The following ALKBH1 variants were observed in gnomAD, a reference collection of about 807,000 sequenced individuals.
ALKBH1 encodes alkB homolog 1, histone H2A dioxygenase.
Under a neutral mutation model 36.6 loss-of-function variants are expected in ALKBH1, and 31 were observed. That is an observed-to-expected ratio of 0.85 (90% CI 0.64 to 1.14). The LOEUF (loss-of-function observed/expected upper bound fraction) is 1.14, where lower values mean the gene tolerates loss of function less well. Among genes scored for constraint, ALKBH1 ranks in the 50% most tolerant of loss-of-function variants. The probability of loss-of-function intolerance (pLI) is 0.00; values close to 1 mark genes in which losing one functional copy is unlikely to be tolerated. For missense variants in ALKBH1, 490 were observed against 497.3 expected, an observed-to-expected ratio of 0.99 and a Z score of 0.14; for synonymous variants, 183 against 186.6, an observed-to-expected ratio of 0.98 and a Z score of 0.16.
intron 3 of ALKBH1, among the ~76,000 whole-genome samples, chr14:77,681,767 G>A (rs2080239411): frequency 6.6e-6 from 1 of 152,210 alleles, no homozygotes; most frequent in Non-Finnish European, 1.5e-5. Flanking sequence ...GCTTCTGGGA[G>A]TCTGTGATTT....
In ALKBH1 at chr14:77,677,423, T is replaced by C. The variant is rs1232693205; in HGVS notation, c.547-1574A>G. 1.3e-5 allele frequency among the ~76,000 whole-genome samples: 2 copies of C among 152,212 alleles called. 1 individual carries two copies. The highest frequency in any genetic ancestry group is 3.8e-4 in the East Asian group (2 of 5,204). On this transcript the variant is annotated intron_variant, in intron 4 of 5. Coordinates refer to ENST00000216489, the MANE Select transcript of ALKBH1 (RefSeq NM_006020.3). ...TAAGACTTTCACTTACAGGTTCCTA[T>C]ATGGATGAATCTGAGGGCTATTTGG... is the stretch of plus-strand genomic sequence containing the variant.
intron 3 of ALKBH1, among the ~76,000 whole-genome samples, chr14:77,692,819 T>A (rs1319739058): frequency 6.6e-6 from 1 of 151,762 alleles, no homozygotes. Flanking sequence ...TATTTATTTA[T>A]TTAATTTATT....
At chr14:77,690,887 C>T (rs570636469) in intron 3 of ALKBH1, among the ~76,000 whole-genome samples, 9 of 152,216 alleles carry the variant, frequency 5.9e-5, no homozygotes, top group East Asian at 3.9e-4. Context: ...CCGCAACCTC[C>T]GCCTCCCGGG....
In ALKBH1 at chr14:77,679,843, T is replaced by C. The variant is rs753466810; in HGVS notation, c.546+37A>G. 2.6e-6 allele frequency: 4 copies of C among 1,521,980 alleles called. No homozygotes were observed. In the South Asian group the frequency reaches 4.5e-5, roughly 17 times the overall value. The allele number at this position is 1,521,980 out of a possible 1,614,324, so 94.3% of individuals were successfully genotyped here. On this transcript the variant is annotated intron_variant, in intron 4 of 5. Coordinates refer to ENST00000216489, the MANE Select transcript of ALKBH1 (RefSeq NM_006020.3). ...CAACTATGTGGGCTAAAGAAGCCTATAAACAGAAAACAAAAGAATTAAGAA... is the reference window on the plus strand; with the variant it reads ...CAACTATGTGGGCTAAAGAAGCCTACAAACAGAAAACAAAAGAATTAAGAA...
intron 3 of ALKBH1, among the ~76,000 whole-genome samples, chr14:77,688,366 C>G (rs2080279647): frequency 6.6e-6 from 1 of 151,648 alleles, no homozygotes; most frequent in African/African-American, 2.4e-5. Context: ...AGGGATTCTT[C>G]TGCCTCAGCC....
rs148455758 is a variant in ALKBH1, at chr14:77,696,844, T to C, written c.293-1944A>G. On this transcript the variant is annotated intron_variant, in intron 2 of 5. Coordinates refer to ENST00000216489, the MANE Select transcript of ALKBH1 (RefSeq NM_006020.3). ...AGGTCCAAATGGAAGTAGATGCAGATAGAAATGGTACTAAGATATTCAGGT... is the reference window on the plus strand; with the variant it reads ...AGGTCCAAATGGAAGTAGATGCAGACAGAAATGGTACTAAGATATTCAGGT... 4.2e-3 allele frequency: 645 copies of C among 152,772 alleles called. 1 individual carries two copies. Among genetic ancestry groups the C allele is most frequent in the Non-Finnish European group, 6.4e-3 (440 of 68,348 alleles). The allele number at this position is 152,772 out of a possible 1,614,324, so 9.5% of individuals were successfully genotyped here. A position where few individuals can be genotyped will look rare whatever the true frequency, so the allele number is the denominator to read the frequency against.
At chr14:77,701,456 G>C (rs1406981068) in intron 2 of ALKBH1, among the ~76,000 whole-genome samples, 3 of 152,146 alleles carry the variant, frequency 2.0e-5, no homozygotes, top group Non-Finnish European at 2.9e-5. Context: ...CCACTGGTGT[G>C]CACTGCTTCC....
rs535257650 is a variant in ALKBH1, at chr14:77,684,797, G to A, written c.456-4827C>T. Among the ~76,000 whole-genome samples, 9 of 152,100 alleles carry A rather than the reference G, an allele frequency of 5.9e-5. No individual in the cohort carries two copies. The South Asian group carries it at 1.0e-3, about 18-fold the overall frequency. On this transcript the variant is annotated intron_variant, in intron 3 of 5. Coordinates refer to ENST00000216489, the MANE Select transcript of ALKBH1 (RefSeq NM_006020.3). ...TTCTAGCTTCAATCAATCCTTCTGCGTTGGCCTCCCAAAGTATCGGTACTA... is the reference window on the plus strand; with the variant it reads ...TTCTAGCTTCAATCAATCCTTCTGCATTGGCCTCCCAAAGTATCGGTACTA...
intron 2 of ALKBH1, among the ~76,000 whole-genome samples, chr14:77,696,321 TG>T (rs2080326752): frequency 6.6e-6 from 1 of 152,104 alleles, no homozygotes; most frequent in Non-Finnish European, 1.5e-5. Context: ...CCCAAGTAGC[TG>T]TGATTACAGG....
At position 77,693,377 on chromosome 14, in the gene ALKBH1, G is replaced by A. The variant is rs572743666; in HGVS notation, c.455+1361C>T. Among the ~76,000 whole-genome samples the A allele has an allele frequency of 2.6e-5, 4 of 152,188 alleles. No homozygotes were observed. In the East Asian group the frequency reaches 5.8e-4, roughly 22 times the overall value. ...AATTGTATCTAATTATCTGTTTGTA[G>A]GTTTTTGAACATAACTAAAGTACAA... On this transcript the variant is annotated intron_variant, in intron 3 of 5. Transcript: ENST00000216489.
At chr14:77,694,066 C>T (rs1257127429) in intron 3 of ALKBH1, among the ~76,000 whole-genome samples, 37 of 152,196 alleles carry the variant, frequency 2.4e-4, no homozygotes, top group Admixed American at 2.4e-3. Flanking sequence ...TTATTTCCTC[C>T]TCTATGCTCC....
intron 3 of ALKBH1, among the ~76,000 whole-genome samples, chr14:77,693,913 G>A (rs556975339): frequency 1.3e-5 from 2 of 152,276 alleles, no homozygotes; most frequent in South Asian, 4.1e-4. Context: ...TTTTAATCCA[G>A]GAGGCAGAGG....
chr14:77,695,388 T>G (rs1212386158), intron 2 of ALKBH1, among the ~76,000 whole-genome samples: 1 of 152,214 alleles, frequency 6.6e-6, no homozygotes, highest in East Asian at 1.9e-4. Context: ...CTTCATAATA[T>G]GGGGCTGAGA....
chr14:77,703,273 T>G (rs2080369478), intron 2 of ALKBH1, among the ~76,000 whole-genome samples: 1 of 151,332 alleles, frequency 6.6e-6, no homozygotes, highest in Admixed American at 6.6e-5. Context: ...GTGAGACACC[T>G]CGCCTGGTCC....
intron 4 of ALKBH1, among the ~76,000 whole-genome samples, chr14:77,679,612 G>A (rs1168340512): frequency 6.6e-6 from 1 of 151,968 alleles, no homozygotes; most frequent in African/African-American, 2.4e-5. Context: ...TGTATTTTTT[G>A]TAAAGACAGG....
intron 2 of ALKBH1, among the ~76,000 whole-genome samples, chr14:77,699,408 T>G (rs534628117): frequency 2.6e-5 from 4 of 152,346 alleles, no homozygotes; most frequent in Admixed American, 2.6e-4. Flanking sequence ...TAACAGCAAT[T>G]AACAATAAGT....
chr14:77,688,330 C>T (rs1341293454), intron 3 of ALKBH1, among the ~76,000 whole-genome samples: 1 of 151,230 alleles, frequency 6.6e-6, no homozygotes, highest in African/African-American at 2.4e-5. Flanking sequence ...GATCTCAGCT[C>T]ACTGCAACCT....
chr14:77,702,058 G>C (rs2080362240), intron 2 of ALKBH1, among the ~76,000 whole-genome samples: 1 of 152,196 alleles, frequency 6.6e-6, no homozygotes, highest in Non-Finnish European at 1.5e-5. Context: ...CAGCACTCTG[G>C]GAGGTCAAGG....
chr14:77,706,869 A>G (rs1425307723), intron 1 of ALKBH1, among the ~76,000 whole-genome samples: 3 of 152,200 alleles, frequency 2.0e-5, no homozygotes, highest in African/African-American at 7.2e-5. Flanking sequence ...ATACTGTAGC[A>G]TCCCAATTTT....
Sources: allele counts gnomAD v4.1 joint callset (sites outside exome capture counted in the v4.1 genomes callset), GRCh38; gene constraint gnomAD v4.1.1; transcripts MANE v1.5; gene names NCBI Gene and HGNC (gene_info 2026-07-23, HGNC 2026-07-21).